ENTHD1: variants seen among roughly 807,000 people sequenced by gnomAD.
ENTHD1 encodes ENTH domain-containing protein 1.
In ENTHD1, 23 loss-of-function variants were observed where a neutral mutation model predicts 39.1. The ratio of observed to expected loss-of-function variants is 0.59; its 90% CI spans 0.42 to 0.83. ENTHD1 has a LOEUF of 0.83. ENTHD1 is among the 40% of genes least tolerant of loss of function. ENTHD1 has a pLI of 0.00. For missense variants in ENTHD1, 624 were observed against 705.4 expected (o/e 0.88, Z 1.31); for synonymous variants, 230 against 258.2 (o/e 0.89, Z 1.05).
At chr22:39,776,778 G>A (rs1440090374) in intron 5 of ENTHD1, among the ~76,000 whole-genome samples, 1 of 152,202 alleles carries the variant, frequency 6.6e-6, no homozygotes, top group Non-Finnish European at 1.5e-5. Flanking sequence ...TGCAGATGAC[G>A]ATGAAATCTG....
intron 1 of ENTHD1, among the ~76,000 whole-genome samples, chr22:39,890,192 G>T (rs1185515769): frequency 3.3e-5 from 5 of 151,738 alleles, no homozygotes; most frequent in Non-Finnish European, 7.4e-5. Context: ...AGATTTCTCA[G>T]AAAGACACTA....
chr22:39,844,573 A>T (rs531285400), intron 3 of ENTHD1, among the ~76,000 whole-genome samples: 2 of 152,198 alleles, frequency 1.3e-5, no homozygotes, highest in Admixed American at 6.5e-5. Flanking sequence ...AGGTTTTTTT[A>T]AAAAAGTCAA....
At chr22:39,819,028 G>C (rs1221933878) in intron 5 of ENTHD1, among the ~76,000 whole-genome samples, 1 of 152,068 alleles carries the variant, frequency 6.6e-6, no homozygotes, top group Admixed American at 6.5e-5. Context: ...TACAGTAGGC[G>C]AATGGATAAA....
intron 5 of ENTHD1, among the ~76,000 whole-genome samples, chr22:39,776,193 A>G (rs9941962): frequency 0.1 from 15,215 of 152,236 alleles, 893 homozygotes; most frequent in Middle Eastern, 0.13. Context: ...ACACCCAGCT[A>G]AATACTGTCT....
chr22:39,760,323 A>G (rs2065222389), intron 6 of ENTHD1, among the ~76,000 whole-genome samples: 1 of 152,026 alleles, frequency 6.6e-6, no homozygotes, highest in Non-Finnish European at 1.5e-5. Context: ...TATTAGTTAC[A>G]TACACACATT....
chr22:39,804,189 C>G (rs530924376), intron 5 of ENTHD1, among the ~76,000 whole-genome samples: 51 of 151,024 alleles, frequency 3.4e-4, no homozygotes, highest in Non-Finnish European at 5.9e-4. Context: ...AAAAGAAAAA[C>G]AAAACAAAAG....
At chr22:39,778,344 T>C (rs1285536735) in intron 5 of ENTHD1, among the ~76,000 whole-genome samples, 3 of 152,176 alleles carry the variant, frequency 2.0e-5, no homozygotes, top group Non-Finnish European at 4.4e-5. Context: ...AAGGGGGGTA[T>C]TTGAGATCAA....
Position 39,890,583 on chromosome 22 carries a change from G to A in ENTHD1, c.-155-2680C>T, listed in dbSNP as rs530414378. On this transcript the variant is annotated intron_variant, in intron 1 of 6. Transcript: ENST00000325157. ...CTATCTATATTTTGGAAGAACAATCGTAATTTTTAGGTTTTTCTACATTCT... is the reference window on the plus strand; with the variant it reads ...CTATCTATATTTTGGAAGAACAATCATAATTTTTAGGTTTTTCTACATTCT... Among the ~76,000 whole-genome samples, 204 of 151,996 alleles carry A rather than the reference G, an allele frequency of 1.3e-3. 1 individual carries two copies. The highest frequency in any genetic ancestry group is 4.8e-3 in the African/African-American group (198 of 41,460).
At chr22:39,753,497 C>T (rs2065162330) in intron 6 of ENTHD1, among the ~76,000 whole-genome samples, 2 of 152,114 alleles carry the variant, frequency 1.3e-5, no homozygotes, top group Admixed American at 1.3e-4. Context: ...TAGGTGGCTG[C>T]CTTCACTTTC....
chr22:39,887,934 A>G (rs2066394861), intron 1 of ENTHD1, 31 bp from the exon 2 acceptor site: 1 of 524,326 alleles, frequency 1.9e-6, no homozygotes, highest in African/African-American at 1.9e-5. Context: ...AATTTACATT[A>G]AACTTTTTTT....
chr22:39,891,808 C>T (rs182400178), intron 1 of ENTHD1, among the ~76,000 whole-genome samples: 231 of 151,836 alleles, frequency 1.5e-3, no homozygotes, highest in African/African-American at 5.3e-3. Flanking sequence ...TTAGTAGAGA[C>T]GGGGTTTCAC....
intron 5 of ENTHD1, among the ~76,000 whole-genome samples, chr22:39,775,431 T>C (rs192265823): frequency 1.3e-5 from 2 of 152,300 alleles, no homozygotes; most frequent in Non-Finnish European, 2.9e-5. Context: ...TTTAGTCCCT[T>C]TGATCCCAGA....
chr22:39,799,733 G>A (rs1384037806), intron 5 of ENTHD1, among the ~76,000 whole-genome samples: 1 of 152,306 alleles, frequency 6.6e-6, no homozygotes, highest in East Asian at 1.9e-4. Context: ...TGTGTTAAGA[G>A]ACAGAATTTT....
chr22:39,875,946 A>C lies in ENTHD1; in HGVS notation c.349+11454T>G. ...GTTATCCTGATAGGTGTTTGCACTC[A>C]TCTTGGTTGTGTACCCATTGCAAAT... On this transcript the variant is annotated intron_variant, in intron 2 of 6. Coordinates refer to ENST00000325157, the MANE Select transcript of ENTHD1 (RefSeq NM_152512.4). 4 of 1,613,982 alleles carry C rather than the reference A, an allele frequency of 2.5e-6. No individual in the cohort carries two copies. In the South Asian group the frequency reaches 4.4e-5, roughly 18 times the overall value.
chr22:39,815,459 A>G (rs2065726259), intron 5 of ENTHD1, among the ~76,000 whole-genome samples: 1 of 152,038 alleles, frequency 6.6e-6, no homozygotes, highest in South Asian at 2.1e-4. Flanking sequence ...AAAAAAAACA[A>G]AGGTAAACAT....
At chr22:39,872,316 AT>A (rs1475933839) in intron 2 of ENTHD1, among the ~76,000 whole-genome samples, 1 of 152,180 alleles carries the variant, frequency 6.6e-6, no homozygotes, top group Admixed American at 6.5e-5. Context: ...TTTTTCTTGA[AT>A]GTATTTTTTC....
At chr22:39,779,314 C>T (rs1279976958) in intron 5 of ENTHD1, among the ~76,000 whole-genome samples, 1 of 152,096 alleles carries the variant, frequency 6.6e-6, no homozygotes, top group Non-Finnish European at 1.5e-5. Context: ...GCACTCTAGC[C>T]TGGGCGACAG....
intron 2 of ENTHD1, among the ~76,000 whole-genome samples, chr22:39,886,263 G>A (rs962890257): frequency 2.6e-5 from 4 of 152,058 alleles, no homozygotes; most frequent in Non-Finnish European, 5.9e-5. Context: ...AAGAGGAGAG[G>A]AAAAGGATGA....
intron 5 of ENTHD1, among the ~76,000 whole-genome samples, chr22:39,809,392 G>A (rs1046741345): frequency 6.6e-6 from 1 of 152,176 alleles, no homozygotes; most frequent in Non-Finnish European, 1.5e-5. Context: ...GAAGAGGGAG[G>A]AGCACCACTG....
Sources: gnomAD v4.1 joint callset for allele counts (sites outside exome capture counted in the v4.1 genomes callset) on GRCh38, gnomAD v4.1.1 for gene constraint, MANE v1.5 for transcripts, NCBI Gene and HGNC (gene_info 2026-07-23, HGNC 2026-07-21) for gene names.